GNAO1: variants seen among roughly 807,000 people sequenced by gnomAD.
GNAO1 encodes the protein G protein subunit alpha o1.
For missense variants in GNAO1, 166 were observed against 478.7 expected (o/e 0.35, Z 6.10); for synonymous variants, 164 against 180.7 (o/e 0.91, Z 0.74).
At chr16:56,192,843 G>A in intron 2 of GNAO1, 1 of 561,090 alleles carries the variant, frequency 1.8e-6, no homozygotes, top group East Asian at 2.9e-5. Context: ...AGGGGGAAGG[G>A]GAGCGCCTGT....
chr16:56,245,136 A>T (rs777621397), intron 2 of GNAO1, among the ~76,000 whole-genome samples: 3 of 151,778 alleles, frequency 2.0e-5, no homozygotes, highest in African/African-American at 7.3e-5. Context: ...TATTTTATAG[A>T]TAAAAAAAAA....
chr16:56,253,638 C>A (rs542253295), intron 2 of GNAO1, among the ~76,000 whole-genome samples: 30 of 152,248 alleles, frequency 2.0e-4, no homozygotes, highest in African/African-American at 7.0e-4. Flanking sequence ...ACTCTTCAGC[C>A]TCCATGCTGA....
intron 3 of GNAO1, among the ~76,000 whole-genome samples, chr16:56,312,785 G>A (rs1464806922): frequency 3.9e-5 from 6 of 152,312 alleles, no homozygotes; most frequent in East Asian, 3.9e-4. Flanking sequence ...AGTGGGGCAC[G>A]TGCCACCGCT....
chr16:56,322,863 C>A (rs1214433471), intron 3 of GNAO1, among the ~76,000 whole-genome samples: 1 of 152,134 alleles, frequency 6.6e-6, no homozygotes, highest in African/African-American at 2.4e-5. Context: ...TGGGGCCAAG[C>A]CTCATATTAA....
In GNAO1 at chr16:56,341,118, C is replaced by G. The variant is rs1181673136; in HGVS notation, c.723+4258C>G. On this transcript the variant is annotated intron_variant, in intron 6 of 8. Coordinates refer to ENST00000262493, the MANE Select transcript of GNAO1 (RefSeq NM_020988.3). ...AGAATCCACACAAACGGTCCCCCAC[C>G]CTGCCCCCAGATTGTGCTCTAGAGA... 6.8e-6 allele frequency: 5 copies of G among 735,426 alleles called. No homozygotes were observed. In the African/African-American group the frequency reaches 8.8e-5, roughly 13 times the overall value. The allele number at this position is 735,426 out of a possible 1,614,324, so 45.6% of individuals were successfully genotyped here.
chr16:56,319,623 A>G (rs2037552130), intron 3 of GNAO1, among the ~76,000 whole-genome samples: 1 of 152,134 alleles, frequency 6.6e-6, no homozygotes, highest in Non-Finnish European at 1.5e-5. Flanking sequence ...ACTCGTGACC[A>G]GCCGCCAGCA....
chr16:56,262,798 T>C (rs983628332), intron 2 of GNAO1, among the ~76,000 whole-genome samples: 1 of 152,184 alleles, frequency 6.6e-6, no homozygotes, highest in Non-Finnish European at 1.5e-5. Context: ...GGCAGTAAAA[T>C]TGACATTGAA....
At chr16:56,350,625 G>T (rs1409864710) in intron 6 of GNAO1, among the ~76,000 whole-genome samples, 1 of 152,172 alleles carries the variant, frequency 6.6e-6, no homozygotes, top group African/African-American at 2.4e-5. Context: ...AGTGTCAGAT[G>T]CAGCTGAGTA....
At chr16:56,328,826 G>A in intron 4 of GNAO1, 35 bp downstream of exon 4, 1 of 1,607,242 alleles carries the variant, frequency 6.2e-7, no homozygotes, top group South Asian at 1.1e-5. Flanking sequence ...CCTGGAGCCG[G>A]GCAGTGATGC....
chr16:56,314,662 G>C (rs372301670), intron 3 of GNAO1, among the ~76,000 whole-genome samples: 1 of 152,216 alleles, frequency 6.6e-6, no homozygotes, highest in Non-Finnish European at 1.5e-5. Context: ...CAGCGCCGGC[G>C]CCTGGCTTCT....
In GNAO1 at chr16:56,192,627, G is replaced by T; in HGVS notation, c.161+11G>T. ...TGTGAAGCAGATGAAGTAAGTCCCT[G>T]TGGCATTGGGATTCGTACTTTTATT... On this transcript the variant is annotated intron_variant, in intron 2 of 8. Coordinates refer to ENST00000262493, the MANE Select transcript of GNAO1 (RefSeq NM_020988.3). 6.5e-7 allele frequency: 1 copy of T among 1,529,164 alleles called. No homozygotes were observed. Among genetic ancestry groups the T allele is most frequent in the Non-Finnish European group, 9.1e-7 (1 of 1,102,966 alleles). The allele number at this position is 1,529,164 out of a possible 1,614,324, so 94.7% of individuals were successfully genotyped here.
chr16:56,191,807 C>A lies in GNAO1; in HGVS notation c.-429C>A. On this transcript the variant is annotated 5_prime_UTR_variant, in exon 1 of 9. Coordinates refer to ENST00000262493, the MANE Select transcript of GNAO1 (RefSeq NM_020988.3). The surrounding 1 kb of genome is among the most constrained non-coding windows in gnomAD (Gnocchi z 4.7). ...TCCGCCGCCGCCGCCTCCTCCTCCT[C>A]CGGCAGCCGCGGCAGCAGGACCCAC... 4.4e-6 allele frequency: 1 copy of A among 225,152 alleles called. No homozygotes were observed. 13.9% of individuals were successfully genotyped at this position (225,152 alleles called of 1,614,324 possible).
At chr16:56,278,144 G>A (rs1348112497) in intron 3 of GNAO1, among the ~76,000 whole-genome samples, 1 of 152,220 alleles carries the variant, frequency 6.6e-6, no homozygotes, top group Non-Finnish European at 1.5e-5. Context: ...AGTCAAGTCA[G>A]CCTTCAAGTA....
chr16:56,237,453 G>A (rs1440534292), intron 2 of GNAO1, among the ~76,000 whole-genome samples: 1 of 152,132 alleles, frequency 6.6e-6, no homozygotes, highest in Non-Finnish European at 1.5e-5. Context: ...GAAAGAGAAA[G>A]GAGAGGAAGG....
chr16:56,332,347 G>A (rs1293795854), intron 4 of GNAO1, among the ~76,000 whole-genome samples: 3 of 152,106 alleles, frequency 2.0e-5, no homozygotes, highest in African/African-American at 7.2e-5. Flanking sequence ...ATGCCTGCCA[G>A]TGTTTCCACT....
intron 2 of GNAO1, among the ~76,000 whole-genome samples, chr16:56,221,647 A>G (rs1443457267): frequency 2.7e-5 from 3 of 112,032 alleles, no homozygotes; most frequent in African/African-American, 1.1e-4. Flanking sequence ...AGGAGACTGC[A>G]TCTCAAAAAA....
intron 6 of GNAO1, chr16:56,340,574 C>T (rs1477170731): frequency 2.2e-6 from 1 of 457,276 alleles, no homozygotes; most frequent in African/African-American, 1.9e-5. Flanking sequence ...CTGGGGCCAG[C>T]TCTCTTTGGA....
intron 2 of GNAO1, among the ~76,000 whole-genome samples, chr16:56,244,783 G>A (rs1402344091): frequency 6.6e-6 from 1 of 152,142 alleles, no homozygotes; most frequent in Non-Finnish European, 1.5e-5. Flanking sequence ...GCCAAGCTGG[G>A]CAAATGCACG....
chr16:56,205,268 A>G (rs1329285906), intron 2 of GNAO1, among the ~76,000 whole-genome samples: 1 of 152,226 alleles, frequency 6.6e-6, no homozygotes, highest in African/African-American at 2.4e-5. Context: ...CAAAGACAAA[A>G]CAACTCCTGG....
Sources: allele counts gnomAD v4.1 joint callset (sites outside exome capture counted in the v4.1 genomes callset), GRCh38; gene constraint gnomAD v4.1.1; non-coding constraint Gnocchi (gnomAD v3.1); transcripts MANE v1.5; gene names NCBI Gene and HGNC (gene_info 2026-07-23, HGNC 2026-07-21).